Variants in SESTD1 observed in about 807,000 individuals in gnomAD.
SESTD1 encodes the protein SEC14 and spectrin domain containing 1, also known as SEC14 domain and spectrin repeat-containing protein 1.
A neutral mutation model predicts 101.7 loss-of-function variants in SESTD1; 43 were observed. That is an observed-to-expected ratio of 0.42 (90% CI 0.33 to 0.55). SESTD1 has a LOEUF of 0.55. Ranked by LOEUF, SESTD1 falls within the 20% of genes least tolerant of loss-of-function variation. SESTD1 has a pLI of 0.07. For missense variants in SESTD1, 647 were observed against 815.1 expected, an observed-to-expected ratio of 0.79 and a Z score of 2.51; for synonymous variants, 283 against 286.8, an observed-to-expected ratio of 0.99 and a Z score of 0.13.
Position 179,163,038 on chromosome 2 carries a change from T to C in SESTD1, c.369+9082A>G, listed in dbSNP as rs149910884. ...GGCAAATAATTGTTGTCTAACGAGATTGATATATTTCCGTCCAGTGGAATA... is the reference window on the plus strand; with the variant it reads ...GGCAAATAATTGTTGTCTAACGAGACTGATATATTTCCGTCCAGTGGAATA... On this transcript the variant is annotated intron_variant, in intron 5 of 17. Coordinates refer to ENST00000428443, the MANE Select transcript of SESTD1 (RefSeq NM_178123.5). Among the ~76,000 whole-genome samples the C allele has an allele frequency of 1.2e-4, 18 of 151,570 alleles. No homozygotes were observed. The East Asian group carries it at 2.7e-3, about 23-fold the overall frequency.
At chr2:179,247,995 C>A (rs1213058637) in intron 1 of SESTD1, among the ~76,000 whole-genome samples, 1 of 151,486 alleles carries the variant, frequency 6.6e-6, no homozygotes, top group African/African-American at 2.4e-5. Flanking sequence ...GAGAAAAAAT[C>A]TCAAACCAAT....
chr2:179,133,295 G>A (rs966884650), intron 9 of SESTD1, among the ~76,000 whole-genome samples: 2 of 152,240 alleles, frequency 1.3e-5, no homozygotes, highest in Non-Finnish European at 1.5e-5. Flanking sequence ...CCCACCCCAA[G>A]TTATGCCTTC....
intron 1 of SESTD1, 110 bp from the exon 2 acceptor site, chr2:179,191,976 T>A (rs2046326214): frequency 1.4e-6 from 1 of 729,388 alleles, no homozygotes; most frequent in South Asian, 1.8e-5. Context: ...TACTGACATT[T>A]TGAGCAAGAT....
At chr2:179,159,507 G>A (rs902351910) in intron 5 of SESTD1, among the ~76,000 whole-genome samples, 1 of 152,180 alleles carries the variant, frequency 6.6e-6, no homozygotes, top group African/African-American at 2.4e-5. Context: ...GAACTGGAAT[G>A]CTGAAAAAGG....
chr2:179,111,238 A>AG (rs1319719508), intron 17 of SESTD1, among the ~76,000 whole-genome samples: 1 of 152,246 alleles, frequency 6.6e-6, no homozygotes, highest in Non-Finnish European at 1.5e-5. Context: ...GTTCAAGTTT[A>AG]GGTGGGGCTT....
chr2:179,114,956 T>A (rs2044595390), intron 16 of SESTD1, 109 bp downstream of exon 16: 1 of 935,696 alleles, frequency 1.1e-6, no homozygotes, highest in Non-Finnish European at 1.6e-6. Flanking sequence ...GGAACTAATA[T>A]AAATATTGAA....
In SESTD1 at chr2:179,101,792, AC is replaced by A. The variant is rs1316706445; in HGVS notation, c.*8106del. On this transcript the variant is annotated 3_prime_UTR_variant, in exon 18 of 18. Transcript: ENST00000428443. ...GATACAATGAAGCATCTAATGGAAA[AC>A]CTAGAGATGGATGGATACTCTAACA... 2 of 152,158 alleles carry A rather than the reference AC, an allele frequency of 1.3e-5. No homozygotes were observed. Among genetic ancestry groups the A allele is most frequent in the East Asian group, 3.8e-4 (2 of 5,204 alleles). 9.4% of individuals were successfully genotyped at this position (152,158 alleles called of 1,614,324 possible). A position where few individuals can be genotyped will look rare whatever the true frequency, so the allele number is the denominator to read the frequency against.
chr2:179,181,175 C>T (rs936350908), intron 3 of SESTD1, among the ~76,000 whole-genome samples: 7 of 152,040 alleles, frequency 4.6e-5, no homozygotes, highest in African/African-American at 1.7e-4. Flanking sequence ...GCTATTTTGC[C>T]TTCCACTGTA....
At chr2:179,120,006 G>A (rs756650371) in intron 13 of SESTD1, among the ~76,000 whole-genome samples, 3 of 152,074 alleles carry the variant, frequency 2.0e-5, no homozygotes, top group African/African-American at 4.8e-5. Flanking sequence ...CAAAGTGGGC[G>A]GATCACGAGG....
intron 1 of SESTD1, among the ~76,000 whole-genome samples, chr2:179,201,131 T>G (rs2046505515): frequency 7.4e-6 from 1 of 134,646 alleles, no homozygotes; most frequent in South Asian, 2.8e-4. Context: ...CAGACACTTC[T>G]CAAAAGAAGA....
At chr2:179,164,250 A>G (rs1057474585) in intron 5 of SESTD1, among the ~76,000 whole-genome samples, 1 of 152,194 alleles carries the variant, frequency 6.6e-6, no homozygotes, top group African/African-American at 2.4e-5. Flanking sequence ...TTGAAAGAAG[A>G]GCATCATGGA....
At chr2:179,198,376 G>C (rs2046440298) in intron 1 of SESTD1, among the ~76,000 whole-genome samples, 1 of 152,154 alleles carries the variant, frequency 6.6e-6, no homozygotes, top group Non-Finnish European at 1.5e-5. Context: ...ACACCCCACT[G>C]TCAACATTAG....
chr2:179,121,967 C>T, intron 12 of SESTD1, 38 bp from the exon 13 acceptor site: 1 of 1,555,746 alleles, frequency 6.4e-7, no homozygotes, highest in Non-Finnish European at 8.6e-7. Flanking sequence ...TCTTACACAA[C>T]TAAGGCGCTT....
Position 179,144,362 on chromosome 2 carries a change from A to G in SESTD1, c.638-559T>C, listed in dbSNP as rs112371943. 2.1e-3 allele frequency among the ~76,000 whole-genome samples: 326 copies of G among 152,206 alleles called. 6 individuals carry two copies. Among genetic ancestry groups the G allele is most frequent in the African/African-American group, 7.5e-3 (312 of 41,566 alleles). On this transcript the variant is annotated intron_variant, in intron 8 of 17. Transcript: ENST00000428443. ...GGAGAAAAGTTTTTATTACAAGTAC[A>G]AAATAATATTTATATAATCTCTATT...
In SESTD1 at chr2:179,104,275, C is replaced by T. The variant is rs960657769; in HGVS notation, c.*5624G>A. 15 of 152,158 alleles carry T rather than the reference C, an allele frequency of 9.9e-5. No homozygotes were observed. The East Asian group carries it at 2.9e-3, about 29-fold the overall frequency. The allele number at this position is 152,158 out of a possible 1,614,324, so 9.4% of individuals were successfully genotyped here. On this transcript the variant is annotated 3_prime_UTR_variant, in exon 18 of 18. Coordinates refer to ENST00000428443, the MANE Select transcript of SESTD1 (RefSeq NM_178123.5). The stretch of plus-strand genomic sequence containing the variant: ...GTTTATAACTGTCAAAGTGGTATTT[C>T]GATCCTTTCACCTTTACAAAATACA...
At chr2:179,182,938 C>T (rs74642673) in intron 3 of SESTD1, 142 bp downstream of exon 3, 17,806 of 512,744 alleles carry the variant, frequency 0.035, 2,631 homozygotes, top group African/African-American at 0.32. Flanking sequence ...TGTTATAAGT[C>T]ATTGATTTTA....
chr2:179,172,706 TGAA>T (rs2045947951), intron 4 of SESTD1, among the ~76,000 whole-genome samples: 2 of 152,200 alleles, frequency 1.3e-5, no homozygotes, highest in Admixed American at 6.5e-5. Flanking sequence ...ATTATTAACT[TGAA>T]GAAGAGGACA....
At position 179,103,701 on chromosome 2, in the gene SESTD1, T is replaced by C. The variant is rs189731639; in HGVS notation, c.*6198A>G. 3 of 152,192 alleles carry C rather than the reference T, an allele frequency of 2.0e-5. No individual in the cohort carries two copies. The highest frequency in any genetic ancestry group is 6.5e-5 in the Admixed American group (1 of 15,282). The allele number at this position is 152,192 out of a possible 1,614,324, so 9.4% of individuals were successfully genotyped here. A position where few individuals can be genotyped will look rare whatever the true frequency, so the allele number is the denominator to read the frequency against. Reference sequence around the variant, plus strand: ...AAAGTTTTAGAACAGAAAAATCTTATGGTAGAAAAAGGAACAGTGGTTGCC... The same window carrying C: ...AAAGTTTTAGAACAGAAAAATCTTACGGTAGAAAAAGGAACAGTGGTTGCC... On this transcript the variant is annotated 3_prime_UTR_variant, in exon 18 of 18. Transcript: ENST00000428443.
At chr2:179,238,174 C>T (rs2047096924) in intron 1 of SESTD1, among the ~76,000 whole-genome samples, 1 of 152,114 alleles carries the variant, frequency 6.6e-6, no homozygotes, top group South Asian at 2.1e-4. Flanking sequence ...AAAATGTCAT[C>T]ATCCTTGTTG....
Sources: gnomAD v4.1 joint callset for allele counts (sites outside exome capture counted in the v4.1 genomes callset) on GRCh38, gnomAD v4.1.1 for gene constraint, MANE v1.5 for transcripts, NCBI Gene and HGNC (gene_info 2026-07-23, HGNC 2026-07-21) for gene names.